Variants in ATP13A5 observed in about 807,000 individuals in gnomAD.
The protein encoded by ATP13A5 is probable cation-transporting ATPase 13A5.
Under a neutral mutation model 150.2 loss-of-function variants are expected in ATP13A5, and 149 were observed. The observed-to-expected ratio is 0.99, with a 90% confidence interval of 0.87 to 1.14. ATP13A5 has a LOEUF of 1.14. ATP13A5 is among the 50% of genes most tolerant of loss of function. The pLI is 0.00. For synonymous variants in ATP13A5, 497 were observed against 522.2 expected (o/e 0.95, Z 0.66); for missense variants, 1,383 against 1,449.3 (o/e 0.95, Z 0.74).
At chr3:193,291,194 G>C (rs114793323) in intron 25 of ATP13A5, among the ~76,000 whole-genome samples, 45 of 133,252 alleles carry the variant, frequency 3.4e-4, no homozygotes, top group Non-Finnish European at 6.3e-4. Context: ...GTACCCAAAG[G>C]CCCTTTCAAC....
intron 20 of ATP13A5, among the ~76,000 whole-genome samples, chr3:193,311,070 T>A (rs78707925): frequency 6.6e-6 from 1 of 152,172 alleles, no homozygotes; most frequent in African/African-American, 2.4e-5. Flanking sequence ...AATCATAGCA[T>A]AGACAGAGGA....
chr3:193,307,046 T>C, intron 22 of ATP13A5: 1 of 910,774 alleles, frequency 1.1e-6, no homozygotes, highest in East Asian at 1.2e-4. Flanking sequence ...TTAAAGCAGA[T>C]AGACTTGTAA....
At chr3:193,345,533 G>A (rs1437476814) in intron 7 of ATP13A5, among the ~76,000 whole-genome samples, 1 of 152,130 alleles carries the variant, frequency 6.6e-6, no homozygotes, top group Non-Finnish European at 1.5e-5. Context: ...TCGGAAGTGA[G>A]GTACAGAAAC....
chr3:193,290,635 T>C (rs1256118798), intron 25 of ATP13A5, among the ~76,000 whole-genome samples: 2 of 152,188 alleles, frequency 1.3e-5, no homozygotes, highest in Non-Finnish European at 2.9e-5. Context: ...GGACTGCTGA[T>C]GTATGTTACA....
At chr3:193,281,709 G>A (rs1379321474) in intron 27 of ATP13A5, among the ~76,000 whole-genome samples, 1 of 152,124 alleles carries the variant, frequency 6.6e-6, no homozygotes, top group African/African-American at 2.4e-5. Context: ...CTTATAACCT[G>A]AGAGTATATG....
intron 12 of ATP13A5, 38 bp from the exon 13 acceptor site, chr3:193,327,095 A>T: frequency 6.4e-7 from 1 of 1,550,594 alleles, no homozygotes; most frequent in Non-Finnish European, 8.8e-7. Context: ...CATAAGATTT[A>T]AAGCTTTTAA....
chr3:193,353,574 G>A (rs1483044043), intron 6 of ATP13A5, among the ~76,000 whole-genome samples: 1 of 152,064 alleles, frequency 6.6e-6, no homozygotes, highest in African/African-American at 2.4e-5. Flanking sequence ...TTTGGAGATG[G>A]GTCCCTTGGG....
chr3:193,294,144 T>C (rs983182894), intron 25 of ATP13A5, among the ~76,000 whole-genome samples: 8 of 152,086 alleles, frequency 5.3e-5, no homozygotes, highest in Non-Finnish European at 7.4e-5. Flanking sequence ...AGGTCAGCTG[T>C]AGGGTGAATA....
chr3:193,299,133 G>GT lies in ATP13A5; in HGVS notation c.2845dup (p.Thr949AsnfsTer15), dbSNP rs1335359595. 1 of 1,602,210 alleles carries GT rather than the reference G, an allele frequency of 6.2e-7. No homozygotes were observed. ...GTTTTCTTTGCTAAAGAGCTTACTT[G>GT]TTAAACAGACCATCAAAGTAATGGC... is the stretch of plus-strand genomic sequence containing the variant. On this transcript the variant is annotated frameshift_variant, in exon 25 of 30. Transcript: ENST00000342358. LOFTEE classifies it high-confidence loss of function.
Position 193,335,162 on chromosome 3 carries a change from T to C in ATP13A5, c.944-63A>G. 2.0e-6 allele frequency: 3 copies of C among 1,495,366 alleles called. No homozygotes were observed. The Admixed American group carries it at 5.2e-5, about 26-fold the overall frequency. 92.6% of individuals were successfully genotyped at this position (1,495,366 alleles called of 1,614,324 possible). A position where few individuals can be genotyped will look rare whatever the true frequency, so the allele number is the denominator to read the frequency against. On this transcript the variant is annotated intron_variant, in intron 9 of 29. Transcript: ENST00000342358. Reference sequence around the variant, plus strand: ...CAGGTAGTTGGTCAGAACTGGTGCATGCCAGTTTCAAGAAATTATACAAAC... The same window carrying C: ...CAGGTAGTTGGTCAGAACTGGTGCACGCCAGTTTCAAGAAATTATACAAAC...
chr3:193,301,095 T>C (rs894810978), intron 24 of ATP13A5, 116 bp downstream of exon 24: 17 of 910,276 alleles, frequency 1.9e-5, no homozygotes, highest in Non-Finnish European at 3.0e-5. Flanking sequence ...GACACCTATT[T>C]TGAGAAATGT....
chr3:193,287,696 C>T (rs1041594588), intron 26 of ATP13A5, among the ~76,000 whole-genome samples: 3 of 152,112 alleles, frequency 2.0e-5, no homozygotes, highest in African/African-American at 7.2e-5. Context: ...GTTTTCGTGC[C>T]TGCTAATACA....
Position 193,315,097 on chromosome 3 carries a change from C to G in ATP13A5, c.2034-1G>C, listed in dbSNP as rs138259240. ...TGTTAACTCTGACTCCACTTTTTCT[C>G]TTTGTATTCAGGAGAAAATCAATAT... On this transcript the variant is annotated splice_acceptor_variant, in intron 17 of 29. Coordinates refer to ENST00000342358, the MANE Select transcript of ATP13A5 (RefSeq NM_198505.4). LOFTEE classifies it high-confidence loss of function. The G allele has an allele frequency of 1.2e-6, 2 of 1,611,968 alleles. No homozygotes were observed. Among genetic ancestry groups the G allele is most frequent in the African/African-American group, 1.3e-5 (1 of 74,842 alleles).
intron 1 of ATP13A5, 130 bp from the exon 2 acceptor site, chr3:193,364,410 A>G: frequency 2.7e-6 from 3 of 1,122,692 alleles, no homozygotes; most frequent in Non-Finnish European, 3.8e-6. Context: ...AGGTGGTTAA[A>G]TCAAGTTGAC....
At chr3:193,340,979 G>A (rs1487531362) in intron 9 of ATP13A5, among the ~76,000 whole-genome samples, 1 of 152,130 alleles carries the variant, frequency 6.6e-6, no homozygotes, top group East Asian at 1.9e-4. Flanking sequence ...TCTCAGCTGT[G>A]CCACTTCTAA....
chr3:193,306,325 A>C (rs1317691947), intron 22 of ATP13A5, among the ~76,000 whole-genome samples: 1 of 152,018 alleles, frequency 6.6e-6, no homozygotes, highest in East Asian at 1.9e-4. Flanking sequence ...TCATCAGACA[A>C]TGAACTCTTT....
intron 25 of ATP13A5, among the ~76,000 whole-genome samples, chr3:193,294,512 A>C (rs1718085756): frequency 6.6e-6 from 1 of 152,052 alleles, no homozygotes; most frequent in Non-Finnish European, 1.5e-5. Context: ...TTTTCTCTGT[A>C]ATGTATTATA....
rs1719163175 is a variant in ATP13A5, at chr3:193,319,114, A to C, written c.1916-6T>G. On this transcript the variant is annotated splice_polypyrimidine_tract_variant and splice_region_variant and intron_variant, in intron 16 of 29. Transcript: ENST00000342358. ...CTGTGGGAAATTCTTGGGCACTGCC[A>C]GGGTAGAAGAAACAGGTAAGTGTAA... The C allele has an allele frequency of 6.2e-7, 1 of 1,609,042 alleles. No homozygotes were observed. The highest frequency in any genetic ancestry group is 1.3e-5 in the African/African-American group (1 of 74,802).
intron 7 of ATP13A5, among the ~76,000 whole-genome samples, chr3:193,347,173 T>G (rs1270905656): frequency 6.6e-6 from 1 of 152,178 alleles, no homozygotes; most frequent in African/African-American, 2.4e-5. Context: ...ATAGAAGAAA[T>G]ACACATGGTA....
Sources: gnomAD v4.1 joint callset for allele counts (sites outside exome capture counted in the v4.1 genomes callset) on GRCh38, gnomAD v4.1.1 for gene constraint, MANE v1.5 for transcripts, NCBI Gene and HGNC (gene_info 2026-07-23, HGNC 2026-07-21) for gene names.